The following CCDC171 variants were observed in gnomAD, a reference collection of about 807,000 sequenced individuals.
CCDC171 encodes coiled-coil domain containing 171.
In CCDC171, 177 loss-of-function variants were observed where a neutral mutation model predicts 168.2. The observed-to-expected ratio is 1.05, with a 90% CI of 0.93 to 1.19. The LOEUF (loss-of-function observed/expected upper bound fraction) is 1.19, where lower values mean the gene tolerates loss of function less well. Among genes scored for constraint, CCDC171 ranks in the 50% most tolerant of loss-of-function variants. The probability of loss-of-function intolerance (pLI) is 0.00; values close to 1 mark genes in which losing one functional copy is unlikely to be tolerated. For missense variants in CCDC171, 1,991 were observed against 1,539.0 expected (o/e 1.29, Z -4.91); for synonymous variants, 687 against 540.8 (o/e 1.27, Z -3.75).
intron 2 of CCDC171, among the ~76,000 whole-genome samples, chr9:15,568,871 C>G (rs1207409276): frequency 6.6e-6 from 1 of 151,604 alleles, no homozygotes; most frequent in African/African-American, 2.4e-5. Context: ...TTGATAGTTT[C>G]TTTTGCCACG....
chr9:15,897,079 G>A (rs1821006056), intron 24 of CCDC171, among the ~76,000 whole-genome samples: 1 of 152,008 alleles, frequency 6.6e-6, no homozygotes, highest in Non-Finnish European at 1.5e-5. Context: ...TATCCAGCAT[G>A]TATAGATCTC....
intron 3 of CCDC171, among the ~76,000 whole-genome samples, chr9:15,993,530 A>G (rs374030934): frequency 6.6e-6 from 1 of 152,230 alleles, no homozygotes; most frequent in Non-Finnish European, 1.5e-5. Context: ...GGACATAGGC[A>G]TGGGCAAGGA....
chr9:16,082,649 G>A, the CCDC171 span, among the ~76,000 whole-genome samples: 1 of 152,218 alleles, frequency 6.6e-6, no homozygotes, highest in Admixed American at 6.5e-5. Flanking sequence ...TCTGTGGAGA[G>A]TGTACGCATG....
chr9:15,845,304 C>T (rs949621323), intron 21 of CCDC171, among the ~76,000 whole-genome samples: 1 of 151,980 alleles, frequency 6.6e-6, no homozygotes, highest in Admixed American at 6.6e-5. Flanking sequence ...TTGTGAAGAT[C>T]TGTTAATAGT....
At chr9:15,567,389 A>G (rs2039834890) in intron 2 of CCDC171, among the ~76,000 whole-genome samples, 1 of 152,096 alleles carries the variant, frequency 6.6e-6, no homozygotes, top group African/African-American at 2.4e-5. Flanking sequence ...AAGTTTTCCC[A>G]TTTGTTCTTC....
chr9:16,094,272 A>G, the CCDC171 span, among the ~76,000 whole-genome samples: 1 of 152,234 alleles, frequency 6.6e-6, no homozygotes, highest in South Asian at 2.1e-4. Context: ...GTGAAATCAA[A>G]TCTAAAATTT....
At chr9:15,705,000 G>A (rs936018317) in intron 11 of CCDC171, among the ~76,000 whole-genome samples, 17 of 151,808 alleles carry the variant, frequency 1.1e-4, no homozygotes, top group Non-Finnish European at 2.1e-4. Context: ...TAAGTTCTGG[G>A]GATCTAATGT....
At chr9:15,898,997 A>T (rs1821280867) in intron 24 of CCDC171, among the ~76,000 whole-genome samples, 1 of 152,216 alleles carries the variant, frequency 6.6e-6, no homozygotes, top group East Asian at 1.9e-4. Flanking sequence ...CCTAACTCAT[A>T]GCAGCCACTA....
chr9:15,981,063 C>A (rs546721857), intron 3 of CCDC171, among the ~76,000 whole-genome samples: 6 of 152,162 alleles, frequency 3.9e-5, no homozygotes, highest in Admixed American at 6.5e-5. Flanking sequence ...TATTGTGAGA[C>A]TTACTGTCAC....
intron 7 of CCDC171, among the ~76,000 whole-genome samples, chr9:15,640,701 C>G (rs2046540655): frequency 2.0e-5 from 3 of 152,006 alleles, no homozygotes; most frequent in Non-Finnish European, 4.4e-5. Flanking sequence ...TTGATTAGAA[C>G]AAGGATGATA....
At chr9:15,975,047 A>G (rs1293152839), downstream of CCDC171, among the ~76,000 whole-genome samples, 12 of 152,126 alleles carry the variant, frequency 7.9e-5, no homozygotes, top group Admixed American at 7.2e-4. Context: ...GGGACTACAG[A>G]TGCGTACCAC....
rs1414799519 is a variant in CCDC171, at chr9:15,654,019, G to C, written c.823-3108G>C. ...CATTTCTTGGTTTTCAGAGTGTTTT[G>C]AGTCTTCAGACAAAACTGTGAATAT... On this transcript the variant is annotated intron_variant, in intron 7 of 25. Transcript: ENST00000380701. Among the ~76,000 whole-genome samples, 3 of 152,128 alleles carry C rather than the reference G, an allele frequency of 2.0e-5. 1 individual carries two copies. The highest frequency in any genetic ancestry group is 1.5e-5 in the Non-Finnish European group (1 of 68,000).
intron 2 of CCDC171, among the ~76,000 whole-genome samples, chr9:15,569,700 A>C (rs2040046770): frequency 6.6e-6 from 1 of 151,666 alleles, no homozygotes; most frequent in Admixed American, 6.6e-5. Context: ...CTGTAGTCCC[A>C]GCTGCTCGGG....
intron 25 of CCDC171, among the ~76,000 whole-genome samples, chr9:15,933,285 G>C (rs1390246685): frequency 6.6e-6 from 1 of 151,772 alleles, no homozygotes; most frequent in Admixed American, 6.6e-5. Flanking sequence ...TTTTTGGTCT[G>C]TTCAGATTTT....
chr9:15,990,136 C>A (rs1235920504), intron 3 of CCDC171, among the ~76,000 whole-genome samples: 1 of 152,044 alleles, frequency 6.6e-6, no homozygotes, highest in Non-Finnish European at 1.5e-5. Flanking sequence ...TCAGATTCAC[C>A]AAAGTTGAAA....
intron 1 of CCDC171, among the ~76,000 whole-genome samples, chr9:16,053,404 G>A (rs1833783027): frequency 6.6e-6 from 1 of 152,206 alleles, no homozygotes; most frequent in Non-Finnish European, 1.5e-5. Flanking sequence ...GAAGGGACTG[G>A]GGGATACAGG....
intron 10 of CCDC171, 71 bp downstream of exon 10, chr9:15,678,967 C>A: frequency 8.8e-7 from 1 of 1,134,052 alleles, no homozygotes; most frequent in Non-Finnish European, 1.3e-6. Flanking sequence ...CAGGGTTTTT[C>A]CTCACCACAT....
chr9:16,004,680 G>A (rs1372105185), intron 3 of CCDC171, among the ~76,000 whole-genome samples: 3 of 152,152 alleles, frequency 2.0e-5, no homozygotes, highest in Admixed American at 6.5e-5. Context: ...CTACTAGCTG[G>A]CTTATCCCCA....
chr9:15,845,209 T>C (rs1172580036), intron 21 of CCDC171, among the ~76,000 whole-genome samples: 1 of 152,082 alleles, frequency 6.6e-6, no homozygotes, highest in African/African-American at 2.4e-5. Context: ...ACAAAATTAG[T>C]AGGTTTAGCG....
Sources: allele counts gnomAD v4.1 joint callset (sites outside exome capture counted in the v4.1 genomes callset), GRCh38; gene constraint gnomAD v4.1.1; transcripts MANE v1.5; gene names NCBI Gene and HGNC (gene_info 2026-07-23, HGNC 2026-07-21).